Variants in LRPPRC observed in about 807,000 individuals in gnomAD.
LRPPRC encodes leucine rich pentatricopeptide repeat containing, also known as leucine-rich PPR motif-containing protein, mitochondrial.
A neutral mutation model predicts 180.3 loss-of-function variants in LRPPRC; 120 were observed. The ratio of observed to expected loss-of-function variants is 0.67; its 90% CI spans 0.57 to 0.77. The LOEUF is 0.77. Ranked by LOEUF, LRPPRC falls within the 30% of genes least tolerant of loss-of-function variation. The probability of loss-of-function intolerance (pLI) is 0.00; values close to 1 mark genes in which losing one functional copy is unlikely to be tolerated. For missense variants in LRPPRC, 2,012 were observed against 1,657.2 expected (o/e 1.21, Z -3.72); for synonymous variants, 723 against 600.0 (o/e 1.21, Z -3.00).
chr2:43,899,344 T>A lies in LRPPRC; in HGVS notation c.3710-10A>T. 1 of 1,611,770 alleles carries A rather than the reference T, an allele frequency of 6.2e-7. No individual in the cohort carries two copies. Among genetic ancestry groups the A allele is most frequent in the Non-Finnish European group, 8.5e-7 (1 of 1,177,926 alleles). The stretch of plus-strand genomic sequence containing the variant: ...TCCGCCATGATGCTTACTGGAAAAA[T>A]GACAGGTAAGAAAAATCTTTCATTA... On this transcript the variant is annotated splice_polypyrimidine_tract_variant and intron_variant, in intron 33 of 37. Transcript: ENST00000260665.
At chr2:43,889,448 T>G (rs916845485) in intron 37 of LRPPRC, among the ~76,000 whole-genome samples, 1 of 152,148 alleles carries the variant, frequency 6.6e-6, no homozygotes, top group African/African-American at 2.4e-5. Context: ...TAAATCCTAT[T>G]TCAAGTTGAA....
At chr2:43,928,074 C>T (rs1460384163) in intron 25 of LRPPRC, among the ~76,000 whole-genome samples, 1 of 152,126 alleles carries the variant, frequency 6.6e-6, no homozygotes, top group Non-Finnish European at 1.5e-5. Flanking sequence ...TCTGTGTTGC[C>T]ACATACAATC....
chr2:43,894,675 A>G (rs1457339704), intron 35 of LRPPRC, 46 bp from the exon 36 acceptor site: 4 of 906,400 alleles, frequency 4.4e-6, no homozygotes, highest in South Asian at 3.9e-5. Context: ...GCAAATTAAC[A>G]GTGAATTAGA....
intron 27 of LRPPRC, among the ~76,000 whole-genome samples, chr2:43,919,104 G>A (rs62138276): frequency 0.075 from 11,045 of 147,836 alleles, 522 homozygotes; most frequent in South Asian, 0.13. Flanking sequence ...TCAGATCAGC[G>A]GCAGCATTAG....
chr2:43,892,779 A>G (rs1054374642), intron 36 of LRPPRC: 1 of 152,200 alleles, frequency 6.6e-6, no homozygotes, highest in African/African-American at 2.4e-5. Context: ...GCAAATGTGT[A>G]AAGCGTTCCA....
intron 12 of LRPPRC, among the ~76,000 whole-genome samples, chr2:43,961,830 G>C (rs571096452): frequency 6.6e-6 from 1 of 152,128 alleles, no homozygotes; most frequent in East Asian, 1.9e-4. Context: ...GTGTGGTGGT[G>C]GGCACCTGTA....
chr2:43,904,814 A>G (rs1046556295), intron 31 of LRPPRC: 1 of 152,158 alleles, frequency 6.6e-6, no homozygotes, highest in African/African-American at 2.4e-5. Flanking sequence ...ACATTTCCAG[A>G]GCTTTTTCAA....
chr2:43,945,828 AAC>A (rs1672661230), intron 21 of LRPPRC, among the ~76,000 whole-genome samples: 1 of 152,090 alleles, frequency 6.6e-6, no homozygotes, highest in Non-Finnish European at 1.5e-5. Flanking sequence ...AGCCTCTTAA[AAC>A]AGTTACCACC....
At chr2:43,931,487 G>A (rs1672085801) in intron 25 of LRPPRC, among the ~76,000 whole-genome samples, 1 of 152,184 alleles carries the variant, frequency 6.6e-6, no homozygotes, top group Non-Finnish European at 1.5e-5. Context: ...GATAAAGGGA[G>A]GAACCTCTTT....
intron 11 of LRPPRC, among the ~76,000 whole-genome samples, chr2:43,969,942 T>C (rs1673731774): frequency 6.6e-6 from 1 of 152,106 alleles, no homozygotes; most frequent in Middle Eastern, 3.2e-3. Flanking sequence ...TCCCAAAGTG[T>C]TGGGATTACA....
In LRPPRC at chr2:43,995,894, C is replaced by A. The variant is rs1178603088; in HGVS notation, c.54G>T (p.Pro18=). The A allele has an allele frequency of 1.3e-6, 2 of 1,510,336 alleles. No homozygotes were observed. Among genetic ancestry groups the A allele is most frequent in the African/African-American group, 1.4e-5 (1 of 69,774 alleles). 93.6% of individuals were successfully genotyped at this position (1,510,336 alleles called of 1,614,324 possible). Reference sequence around the variant, plus strand: ...GGAGGCGCAGGGAGAGCGGGAGGCGCGGGGCCGCCCCGGCACGCAGCAACC... The same window carrying A: ...GGAGGCGCAGGGAGAGCGGGAGGCGAGGGGCCGCCCCGGCACGCAGCAACC... ...ARWLLRAGAA[P]RLPLSLRLLP... Residue 18 remains proline, a synonymous_variant, in exon 1 of 38, where the codon CCG becomes CCT. Transcript: ENST00000260665.
Position 43,888,580 on chromosome 2 carries a change from CAA to C in LRPPRC, c.*18_*19del. On this transcript the variant is annotated 3_prime_UTR_variant, in exon 38 of 38. Transcript: ENST00000260665. ...CACAGAATCACAAATATATACAAAA[CAA>C]AGTATCGCCTGGTTATTTCAAGAAG... The C allele has an allele frequency of 6.8e-7, 1 of 1,468,894 alleles. No individual in the cohort carries two copies. Among genetic ancestry groups the C allele is most frequent in the Non-Finnish European group, 9.5e-7 (1 of 1,048,392 alleles). The allele number at this position is 1,468,894 out of a possible 1,614,324, so 91.0% of individuals were successfully genotyped here.
intron 1 of LRPPRC, among the ~76,000 whole-genome samples, chr2:43,994,002 CACCGAG>C (rs1416623600): frequency 6.6e-6 from 1 of 152,058 alleles, no homozygotes; most frequent in Non-Finnish European, 1.5e-5. Context: ...GTCTGATGAA[CACCGAG>C]ACCACCCTTT....
chr2:43,950,709 T>A (rs1331196298), intron 14 of LRPPRC, 109 bp from the exon 15 acceptor site: 12 of 807,016 alleles, frequency 1.5e-5, no homozygotes, highest in Non-Finnish European at 2.6e-5. Flanking sequence ...TAAATAAATG[T>A]TTGCTGTATC....
At chr2:43,913,258 C>G (rs1671327707) in intron 29 of LRPPRC, among the ~76,000 whole-genome samples, 1 of 152,240 alleles carries the variant, frequency 6.6e-6, no homozygotes, top group South Asian at 2.1e-4. Context: ...CTACACTTTT[C>G]AGTCACTTAT....
chr2:43,921,937 CTT>C (rs1354222733), intron 27 of LRPPRC, among the ~76,000 whole-genome samples: 4 of 152,162 alleles, frequency 2.6e-5, no homozygotes, highest in Non-Finnish European at 4.4e-5. Flanking sequence ...CAGTTTGACT[CTT>C]GGATAGACTA....
intron 30 of LRPPRC, among the ~76,000 whole-genome samples, chr2:43,906,976 T>C (rs1671086164): frequency 6.6e-6 from 1 of 152,210 alleles, no homozygotes; most frequent in African/African-American, 2.4e-5. Context: ...AGACTAAGAA[T>C]TGCACAAAGG....
intron 26 of LRPPRC, among the ~76,000 whole-genome samples, 199 bp from the exon 27 acceptor site, chr2:43,925,356 T>C (rs999541223): frequency 4.6e-5 from 7 of 152,234 alleles, no homozygotes; most frequent in East Asian, 1.9e-4. Context: ...GGTTAAATCA[T>C]AAATCTTACA....
In LRPPRC at chr2:43,908,241, AAG is replaced by A. The variant is rs762253777; in HGVS notation, c.3276-2463_3276-2462del. ...TTTAATGTTAGCAGAGATTTAAAAA[AAG>A]AGTTTATATCCCTTACTGCTCTTTG... On this transcript the variant is annotated intron_variant, in intron 30 of 37. Transcript: ENST00000260665. 3.9e-5 allele frequency among the ~76,000 whole-genome samples: 6 copies of A among 152,222 alleles called. No homozygotes were observed. The South Asian group carries it at 8.3e-4, about 21-fold the overall frequency.
Sources: gnomAD v4.1 joint callset for allele counts (sites outside exome capture counted in the v4.1 genomes callset) on GRCh38, gnomAD v4.1.1 for gene constraint, MANE v1.5 for transcripts, NCBI Gene and HGNC (gene_info 2026-07-23, HGNC 2026-07-21) for gene names.